TMPRSS15: variants seen among roughly 807,000 people sequenced by gnomAD.
TMPRSS15 encodes enteropeptidase.
In TMPRSS15, 128 loss-of-function variants were observed where a neutral mutation model predicts 125.3. That is an observed-to-expected ratio of 1.02 (90% CI 0.89 to 1.18). The LOEUF is 1.18. Among genes scored for constraint, TMPRSS15 ranks in the 50% most tolerant of loss-of-function variants. TMPRSS15 has a pLI of 0.00. For missense variants in TMPRSS15, 1,283 were observed against 1,212.7 expected (o/e 1.06, Z -0.86); for synonymous variants, 446 against 423.2 (o/e 1.05, Z -0.66).
At chr21:18,456,682 T>C (rs1203492737) in intron 1 of TMPRSS15, among the ~76,000 whole-genome samples, 1 of 152,096 alleles carries the variant, frequency 6.6e-6, no homozygotes, top group African/African-American at 2.4e-5. Flanking sequence ...TATTATTCAT[T>C]AATGTAAATC....
At chr21:18,275,649 G>T (rs540137314) in intron 23 of TMPRSS15, among the ~76,000 whole-genome samples, 1 of 152,138 alleles carries the variant, frequency 6.6e-6, no homozygotes, top group African/African-American at 2.4e-5. Flanking sequence ...GGGGGAAAAC[G>T]CTCCCCAACA....
intron 1 of TMPRSS15, among the ~76,000 whole-genome samples, chr21:18,437,332 G>A (rs2076230137): frequency 6.6e-6 from 1 of 152,132 alleles, no homozygotes; most frequent in Admixed American, 6.5e-5. Context: ...ATTCAAGATG[G>A]ATTAAAGACT....
Position 18,297,763 on chromosome 21 carries a change from T to C in TMPRSS15, c.2232A>G (p.Ala744=), listed in dbSNP as rs1158799023. 1 of 1,613,820 alleles carries C rather than the reference T, an allele frequency of 6.2e-7. No individual in the cohort carries two copies. Among genetic ancestry groups the C allele is most frequent in the Non-Finnish European group, 8.5e-7 (1 of 1,179,770 alleles). The change falls in exon 19 of 25, where the codon GCA becomes GCG. Residue 744 remains alanine (A), a synonymous_variant. Transcript: ENST00000284885. ...GTGTTAGTATTAAGTGGCCATCAGGTGCTGTGTTTAATTTGACAAATGGTC... is the reference window on the plus strand; with the variant it reads ...GTGTTAGTATTAAGTGGCCATCAGGCGCTGTGTTTAATTTGACAAATGGTC... ...DGGPFVKLNT[A]PDGHLILTPS...
intron 6 of TMPRSS15, among the ~76,000 whole-genome samples, chr21:18,370,718 G>T (rs1471785015): frequency 6.6e-6 from 1 of 152,148 alleles, no homozygotes; most frequent in Non-Finnish European, 1.5e-5. Flanking sequence ...AAGAACATTT[G>T]CATCGGGATT....
chr21:18,406,129 G>A (rs1205013906), upstream of TMPRSS15, among the ~76,000 whole-genome samples: 1 of 152,094 alleles, frequency 6.6e-6, no homozygotes, highest in African/African-American at 2.4e-5. Flanking sequence ...GAGATGGAGG[G>A]TGATAAAGCC....
At chr21:18,286,317 T>C (rs946257995) in intron 21 of TMPRSS15, among the ~76,000 whole-genome samples, 1 of 152,214 alleles carries the variant, frequency 6.6e-6, no homozygotes, top group African/African-American at 2.4e-5. Flanking sequence ...AGTCATTATT[T>C]TAAATACCTA....
intron 17 of TMPRSS15, among the ~76,000 whole-genome samples, chr21:18,314,487 A>G (rs966837538): frequency 6.6e-6 from 1 of 152,128 alleles, no homozygotes; most frequent in African/African-American, 2.4e-5. Context: ...CATGTTGGTC[A>G]GGCTGGTCAT....
intron 1 of TMPRSS15, among the ~76,000 whole-genome samples, chr21:18,421,984 CTT>C (rs569146471): frequency 3.6e-4 from 49 of 135,122 alleles, no homozygotes; most frequent in Non-Finnish European, 7.1e-4. Context: ...AAGTATTACT[CTT>C]TTTTTTTTTT....
At chr21:18,415,472 T>A (rs550647742) in intron 1 of TMPRSS15, among the ~76,000 whole-genome samples, 2 of 152,272 alleles carry the variant, frequency 1.3e-5, no homozygotes, top group East Asian at 3.9e-4. Flanking sequence ...CTTCTAGAAG[T>A]TTGACAGTTC....
chr21:18,285,882 T>C (rs2074756985), intron 21 of TMPRSS15, among the ~76,000 whole-genome samples: 1 of 152,202 alleles, frequency 6.6e-6, no homozygotes, highest in Non-Finnish European at 1.5e-5. Context: ...GCAACAAGAA[T>C]ATGTTTAATT....
chr21:18,313,371 T>A (rs897973097), intron 17 of TMPRSS15, among the ~76,000 whole-genome samples: 5 of 151,578 alleles, frequency 3.3e-5, no homozygotes, highest in African/African-American at 1.2e-4. Context: ...ACACACTTTT[T>A]AAATATGTAT....
At chr21:18,442,155 A>G (rs1279314211) in intron 1 of TMPRSS15, among the ~76,000 whole-genome samples, 1 of 152,170 alleles carries the variant, frequency 6.6e-6, no homozygotes, top group African/African-American at 2.4e-5. Flanking sequence ...TTTAACATCA[A>G]TGAATTGTTT....
intron 1 of TMPRSS15, among the ~76,000 whole-genome samples, chr21:18,415,951 T>A (rs890499952): frequency 6.6e-6 from 1 of 151,974 alleles, no homozygotes; most frequent in African/African-American, 2.4e-5. Context: ...ATTGAGTAAA[T>A]ATGCAGGATA....
intron 1 of TMPRSS15, among the ~76,000 whole-genome samples, chr21:18,445,860 A>T (rs2076254641): frequency 6.6e-6 from 1 of 152,202 alleles, no homozygotes; most frequent in African/African-American, 2.4e-5. Flanking sequence ...AATACTGGAC[A>T]AGGAACTATT....
intron 18 of TMPRSS15, among the ~76,000 whole-genome samples, chr21:18,307,421 C>T (rs962496440): frequency 2.0e-5 from 3 of 152,120 alleles, no homozygotes; most frequent in Admixed American, 6.5e-5. Context: ...GGGGAAACCA[C>T]GTAAGTAAAT....
chr21:18,447,520 G>T (rs938320972), intron 1 of TMPRSS15, among the ~76,000 whole-genome samples: 2 of 151,394 alleles, frequency 1.3e-5, no homozygotes, highest in African/African-American at 4.8e-5. Flanking sequence ...ATATGGTTTG[G>T]CTGTGTCCCC....
intron 16 of TMPRSS15, 124 bp from the exon 17 acceptor site, chr21:18,315,380 T>C (rs2075152483): frequency 1.3e-6 from 1 of 754,390 alleles, no homozygotes; most frequent in Non-Finnish European, 2.3e-6. Context: ...TGGAACCAGC[T>C]TTGATACTGA....
chr21:18,441,446 A>C (rs1166192431), intron 1 of TMPRSS15, among the ~76,000 whole-genome samples: 6 of 151,204 alleles, frequency 4.0e-5, no homozygotes, highest in Non-Finnish European at 8.8e-5. Flanking sequence ...CTCTACTAAA[A>C]ATACAGAAAA....
At chr21:18,376,152 T>C (rs769684752) in intron 5 of TMPRSS15, among the ~76,000 whole-genome samples, 1 of 152,034 alleles carries the variant, frequency 6.6e-6, no homozygotes, top group Non-Finnish European at 1.5e-5. Context: ...TATTGGAAAA[T>C]AGATATCACC....
Sources: allele counts gnomAD v4.1 joint callset (sites outside exome capture counted in the v4.1 genomes callset), GRCh38; gene constraint gnomAD v4.1.1; transcripts MANE v1.5; gene names NCBI Gene and HGNC (gene_info 2026-07-23, HGNC 2026-07-21).